MAD1L1: variants seen among roughly 807,000 people sequenced by gnomAD.
MAD1L1 encodes mitotic arrest deficient 1 like 1.
Under a neutral mutation model 96.9 loss-of-function variants are expected in MAD1L1, and 95 were observed. The ratio of observed to expected loss-of-function variants is 0.98; its 90% CI spans 0.83 to 1.16. The LOEUF is 1.16. MAD1L1 is among the 50% of genes most tolerant of loss of function. The pLI is 0.00. For missense variants in MAD1L1, 1,007 were observed against 954.4 expected, an observed-to-expected ratio of 1.06 and a Z score of -0.73; for synonymous variants, 473 against 396.6, an observed-to-expected ratio of 1.19 and a Z score of -2.29.
chr7:2,161,995 G>A (rs1349264302), intron 10 of MAD1L1, among the ~76,000 whole-genome samples: 10 of 144,434 alleles, frequency 6.9e-5, no homozygotes, highest in African/African-American at 1.3e-4. Flanking sequence ...CCGCCCATCC[G>A]GGAGGTGGGG....
At chr7:2,052,898 C>CA (rs1351041493) in intron 12 of MAD1L1, among the ~76,000 whole-genome samples, 6 of 146,414 alleles carry the variant, frequency 4.1e-5, no homozygotes, top group Non-Finnish European at 9.4e-5. Context: ...AGATAGGAAG[C>CA]CATGTGTCCC....
chr7:1,935,620 G>A (rs191294033), intron 17 of MAD1L1, among the ~76,000 whole-genome samples: 16 of 152,364 alleles, frequency 1.1e-4, no homozygotes, highest in African/African-American at 2.4e-4. Flanking sequence ...CAGCCTGGGT[G>A]CTGGGCTGTG....
At chr7:2,086,583 C>T (rs1785931065) in intron 11 of MAD1L1, among the ~76,000 whole-genome samples, 1 of 152,186 alleles carries the variant, frequency 6.6e-6, no homozygotes, top group African/African-American at 2.4e-5. Context: ...GACAAAGTCT[C>T]GTTCTTGTCC....
intron 10 of MAD1L1, among the ~76,000 whole-genome samples, chr7:2,209,006 C>A (rs1792745638): frequency 6.6e-6 from 1 of 152,244 alleles, no homozygotes; most frequent in Non-Finnish European, 1.5e-5. Flanking sequence ...GCACTGGCAT[C>A]CTGCCCTTCC....
chr7:2,217,581 T>C (rs73041368), intron 7 of MAD1L1, among the ~76,000 whole-genome samples: 4,475 of 152,270 alleles, frequency 0.029, 108 homozygotes, highest in Middle Eastern at 0.061. Context: ...CGCAGGGAAA[T>C]GGCACAGCCT....
rs188522399 is a variant in MAD1L1, at chr7:1,873,075, G to A, written c.1998+25125C>T. On this transcript the variant is annotated intron_variant, in intron 18 of 18. Transcript: ENST00000265854. ...GACGCAACGAGTCACACAGGGAAGG[G>A]CTGCATGCCGAGCCGTGGAGGAGCG... 2.7e-3 allele frequency among the ~76,000 whole-genome samples: 406 copies of A among 152,388 alleles called. 1 individual carries two copies. Among genetic ancestry groups the A allele is most frequent in the African/African-American group, 9.4e-3 (391 of 41,598 alleles).
intron 10 of MAD1L1, among the ~76,000 whole-genome samples, chr7:2,170,025 G>A (rs547323216): frequency 1.6e-4 from 24 of 152,304 alleles, no homozygotes; most frequent in African/African-American, 4.8e-4. Context: ...GAATGCATCC[G>A]AAGGGGCCCT....
intron 12 of MAD1L1, among the ~76,000 whole-genome samples, chr7:2,019,841 G>C (rs978273135): frequency 6.6e-6 from 1 of 152,152 alleles, no homozygotes; most frequent in Non-Finnish European, 1.5e-5. Context: ...ACCAACTACA[G>C]AACGCTTCGC....
chr7:2,059,706 G>A (rs1784555355), intron 12 of MAD1L1, among the ~76,000 whole-genome samples: 1 of 151,850 alleles, frequency 6.6e-6, no homozygotes, highest in Admixed American at 6.6e-5. Flanking sequence ...AGCCAGGGGA[G>A]AAGAGAGGCA....
At chr7:1,867,925 G>A (rs545921349) in intron 18 of MAD1L1, among the ~76,000 whole-genome samples, 2 of 152,360 alleles carry the variant, frequency 1.3e-5, no homozygotes, top group Admixed American at 1.3e-4. Context: ...CAGTGTCTGT[G>A]CTCGCTTCTC....
At chr7:2,122,538 G>A (rs1788030198) in intron 11 of MAD1L1, among the ~76,000 whole-genome samples, 1 of 152,056 alleles carries the variant, frequency 6.6e-6, no homozygotes, top group Admixed American at 6.5e-5. Context: ...GGAGGCGGAG[G>A]TTGCCATGAG....
At chr7:2,196,921 G>A (rs777301168) in intron 10 of MAD1L1, among the ~76,000 whole-genome samples, 8 of 152,202 alleles carry the variant, frequency 5.3e-5, no homozygotes, top group Non-Finnish European at 8.8e-5. Context: ...AACCTGCAGC[G>A]GGTCAGACAG....
chr7:1,862,428 C>A (rs963264503), intron 18 of MAD1L1, among the ~76,000 whole-genome samples: 1 of 152,224 alleles, frequency 6.6e-6, no homozygotes, highest in Non-Finnish European at 1.5e-5. Flanking sequence ...TGGTGGGGAC[C>A]CCAGAGGCAG....
chr7:1,938,840 G>GCAGGCA (rs1668534426), intron 16 of MAD1L1, among the ~76,000 whole-genome samples: 1 of 90,986 alleles, frequency 1.1e-5, no homozygotes, highest in African/African-American at 4.9e-5. Context: ...GGGGCCAGAG[G>GCAGGCA]CACACACACA....
intron 11 of MAD1L1, among the ~76,000 whole-genome samples, chr7:2,145,721 C>T (rs952188925): frequency 1.3e-5 from 2 of 152,158 alleles, no homozygotes; most frequent in Admixed American, 1.3e-4. Context: ...CCTCCCTGGG[C>T]GGCCTTCCCT....
At chr7:1,884,135 C>A (rs527259844) in intron 18 of MAD1L1, among the ~76,000 whole-genome samples, 1 of 152,376 alleles carries the variant, frequency 6.6e-6, no homozygotes, top group African/African-American at 2.4e-5. Flanking sequence ...GCGGCTGGGC[C>A]AGTCTCCACT....
At chr7:2,123,098 T>C (rs1368414213) in intron 11 of MAD1L1, among the ~76,000 whole-genome samples, 1 of 150,606 alleles carries the variant, frequency 6.6e-6, no homozygotes, top group Non-Finnish European at 1.5e-5. Flanking sequence ...GGTCAGGAGA[T>C]TGAGACCATC....
intron 8 of MAD1L1, 28 bp downstream of exon 8, chr7:2,216,129 G>T: frequency 6.2e-7 from 1 of 1,609,784 alleles, no homozygotes; most frequent in Non-Finnish European, 8.5e-7. Context: ...CACTCGAGGC[G>T]GCTGCCCCAT....
chr7:2,210,450 TCTCTAGGA>T (rs1792864788), intron 10 of MAD1L1, among the ~76,000 whole-genome samples: 1 of 134,830 alleles, frequency 7.4e-6, no homozygotes, highest in Admixed American at 7.7e-5. Flanking sequence ...TCCCGTGGAC[TCTCTAGGA>T]GCCGTATTCG....
Sources: allele counts gnomAD v4.1 joint callset (sites outside exome capture counted in the v4.1 genomes callset), GRCh38; gene constraint gnomAD v4.1.1; transcripts MANE v1.5; gene names NCBI Gene and HGNC (gene_info 2026-07-23, HGNC 2026-07-21).